The following GRM4 variants were observed in gnomAD, a reference collection of about 807,000 sequenced individuals.
GRM4 encodes metabotropic glutamate receptor 4.
In GRM4, 28 loss-of-function variants were observed where a neutral mutation model predicts 81.7. That is an observed-to-expected ratio of 0.34 (90% CI 0.25 to 0.47). GRM4 has a LOEUF of 0.47. Among genes scored for constraint, GRM4 ranks in the 20% least tolerant of loss-of-function variants. GRM4 has a pLI of 1.00. For missense variants in GRM4, 948 were observed against 1,290.0 expected (o/e 0.73, Z 4.06); for synonymous variants, 488 against 528.8 (o/e 0.92, Z 1.06).
chr6:34,101,939 C>G, intron 2 of GRM4: 5 of 1,379,326 alleles, frequency 3.6e-6, no homozygotes, highest in Non-Finnish European at 4.9e-6. Flanking sequence ...TCCCGGAGGC[C>G]AGGGGTATGG....
In GRM4 at chr6:34,040,636, C is replaced by A; in HGVS notation, c.1281G>T (p.Leu427=). Residue 427 remains leucine, a synonymous_variant, in exon 7 of 11, where the codon CTG becomes CTT. Coordinates refer to ENST00000538487, the MANE Select transcript of GRM4 (RefSeq NM_000841.4). The part of the protein sequence containing the change: ...GHALHAMHRD[L]CPGRVGLCPR... ...GGCAGAGCCCCACGCGGCCGGGACACAGGTCACGGTGCATGGCGTGCAGCG... is the reference window on the plus strand; with the variant it reads ...GGCAGAGCCCCACGCGGCCGGGACAAAGGTCACGGTGCATGGCGTGCAGCG... The A allele has an allele frequency of 4.3e-6, 7 of 1,614,150 alleles. No individual in the cohort carries two copies. The highest frequency in any genetic ancestry group is 5.9e-6 in the Non-Finnish European group (7 of 1,179,976).
rs1242741758 is a variant in GRM4, at chr6:34,121,204, G to GC, written c.519+11773dup. On this transcript the variant is annotated intron_variant, in intron 2 of 10. Transcript: ENST00000538487. This position sits in a 1 kb window ranked among gnomAD's most constrained non-coding sequence, Gnocchi z 4.6. ...CGGAAACCACTCACCCTCACACACC[G>GC]CCCCCCAGTCCTAAGCCTCAGACTC... Among the ~76,000 whole-genome samples, 2 of 151,892 alleles carry GC rather than the reference G, an allele frequency of 1.3e-5. No homozygotes were observed. Among genetic ancestry groups the GC allele is most frequent in the African/African-American group, 4.8e-5 (2 of 41,328 alleles).
intron 10 of GRM4, chr6:34,024,399 C>T (rs1024554745): frequency 1.8e-5 from 5 of 275,140 alleles, no homozygotes; most frequent in Non-Finnish European, 2.9e-5. Context: ...ATGGAAGGAT[C>T]CTGGGTCCTC....
At chr6:34,094,545 G>A (rs1768408337) in intron 2 of GRM4, among the ~76,000 whole-genome samples, 1 of 152,208 alleles carries the variant, frequency 6.6e-6, no homozygotes, top group Non-Finnish European at 1.5e-5. Context: ...AGTCATGGCT[G>A]GTTTGTTTTT....
intron 10 of GRM4, among the ~76,000 whole-genome samples, chr6:34,025,839 C>A (rs1225775643): frequency 1.3e-5 from 2 of 152,170 alleles, no homozygotes; most frequent in African/African-American, 2.4e-5. Flanking sequence ...GTGGGGTCAG[C>A]CAAGAGGTGA....
chr6:34,151,533 G>A (rs982505938), intron 1 of GRM4, among the ~76,000 whole-genome samples: 4 of 152,168 alleles, frequency 2.6e-5, no homozygotes, highest in Middle Eastern at 3.2e-3. Context: ...CCTCGTGGCC[G>A]CCTGCTCCTT....
At chr6:34,153,683 C>G (rs568804372) in intron 1 of GRM4, among the ~76,000 whole-genome samples, 1 of 152,246 alleles carries the variant, frequency 6.6e-6, no homozygotes, top group South Asian at 2.1e-4. Context: ...GTCAGGAGTT[C>G]AAGACCAGCC....
chr6:34,040,929 C>T (rs1235907957), intron 6 of GRM4, among the ~76,000 whole-genome samples, 181 bp from the exon 7 acceptor site: 1 of 152,196 alleles, frequency 6.6e-6, no homozygotes, highest in African/African-American at 2.4e-5. Flanking sequence ...GTGGAGGTGC[C>T]TGGAGACAGG....
At chr6:34,084,650 C>T (rs967144294) in intron 3 of GRM4, among the ~76,000 whole-genome samples, 10 of 152,208 alleles carry the variant, frequency 6.6e-5, no homozygotes, top group African/African-American at 2.2e-4. Flanking sequence ...TTTCAACATG[C>T]GGCATTGGCC....
upstream of GRM4, among the ~76,000 whole-genome samples, chr6:34,148,276 C>A (rs1770979630): frequency 1.3e-5 from 2 of 152,132 alleles, no homozygotes; most frequent in African/African-American, 4.8e-5. Flanking sequence ...TGTGGGCCCC[C>A]CTTGCCCAGC....
chr6:34,049,172 CCA>C (rs1287888452), intron 6 of GRM4, among the ~76,000 whole-genome samples: 1 of 152,080 alleles, frequency 6.6e-6, no homozygotes, highest in Non-Finnish European at 1.5e-5. Context: ...CTGACCAACT[CCA>C]GTCTGGCTTT....
chr6:34,049,557 C>T (rs1421879007), intron 6 of GRM4, among the ~76,000 whole-genome samples: 1 of 152,102 alleles, frequency 6.6e-6, no homozygotes, highest in East Asian at 1.9e-4. Flanking sequence ...CTGACTCCAG[C>T]GCCTACTCCA....
chr6:34,149,140 C>CCCCCA (rs199740224), upstream of GRM4, among the ~76,000 whole-genome samples: 88 of 152,290 alleles, frequency 5.8e-4, no homozygotes, highest in African/African-American at 1.8e-3. Flanking sequence ...GCAACTCCCC[C>CCCCCA]CCAACCTTTT....
At chr6:34,141,828 G>A (rs1046089805) in intron 1 of GRM4, among the ~76,000 whole-genome samples, 1 of 152,190 alleles carries the variant, frequency 6.6e-6, no homozygotes, top group Admixed American at 6.5e-5. Flanking sequence ...GGAAACCAAG[G>A]CAGAAGCCCC....
chr6:34,122,669 C>T (rs1279679068), intron 2 of GRM4, among the ~76,000 whole-genome samples: 1 of 152,082 alleles, frequency 6.6e-6, no homozygotes, highest in Admixed American at 6.5e-5. Context: ...ACCCCTGCTG[C>T]GGGCACCATC....
intron 3 of GRM4, among the ~76,000 whole-genome samples, chr6:34,065,392 TG>T (rs113760725): frequency 0.25 from 38,410 of 151,982 alleles, 5,767 homozygotes; most frequent in African/African-American, 0.41. Flanking sequence ...TAAGAATCCA[TG>T]GGTCCATACT....
chr6:34,059,014 C>T lies in GRM4; in HGVS notation c.987G>A (p.Glu329=). The change falls in exon 5 of 11, where the codon GAG becomes GAA. Residue 329 remains glutamate, a synonymous_variant. Transcript: ENST00000538487. The surrounding 1 kb of genome is among the most constrained non-coding windows in gnomAD (Gnocchi z 5.7). ...TCTTGGGGAGGATCGTGACAGCACC[C>T]TCAGCCACCTCCTCCAGGTGCAGCA... ...APVLHLEEVA[E]GAVTILPKRM... is the part of the protein sequence containing the mutation. 6.2e-7 allele frequency: 1 copy of T among 1,613,734 alleles called. No homozygotes were observed. The highest frequency in any genetic ancestry group is 8.5e-7 in the Non-Finnish European group (1 of 1,179,902).
At chr6:34,144,185 C>G (rs564273157) in intron 1 of GRM4, among the ~76,000 whole-genome samples, 21 of 152,346 alleles carry the variant, frequency 1.4e-4, no homozygotes, top group African/African-American at 5.1e-4. Flanking sequence ...TCCCTGCCGC[C>G]GCCGATGCTG....
At chr6:34,141,618 G>C (rs80131146) in intron 1 of GRM4, among the ~76,000 whole-genome samples, 2 of 144,294 alleles carry the variant, frequency 1.4e-5, no homozygotes, top group Non-Finnish European at 3.0e-5. Flanking sequence ...TGTGGTGCTC[G>C]TTTTTCCAAG....
Sources: gnomAD v4.1 joint callset for allele counts (sites outside exome capture counted in the v4.1 genomes callset) on GRCh38, gnomAD v4.1.1 for gene constraint, Gnocchi (gnomAD v3.1) non-coding constraint, MANE v1.5 for transcripts, NCBI Gene and HGNC (gene_info 2026-07-23, HGNC 2026-07-21) for gene names.